Variants in CTBP2 observed in about 807,000 individuals in gnomAD.
CTBP2 encodes the protein C-terminal binding protein 2.
In CTBP2, 30 loss-of-function variants were observed where a neutral mutation model predicts 80.3. The ratio of observed to expected loss-of-function variants is 0.37; its 90% CI spans 0.28 to 0.51. The LOEUF is 0.51. CTBP2 is among the 20% of genes least tolerant of loss of function. The pLI, the probability that CTBP2 is intolerant of heterozygous loss-of-function variation, is 0.93. For missense variants in CTBP2, 1,212 were observed against 1,375.3 expected (o/e 0.88, Z 1.88); for synonymous variants, 594 against 587.4 (o/e 1.01, Z -0.16).
At chr10:125,134,338 C>G (rs58032789) in intron 1 of CTBP2, among the ~76,000 whole-genome samples, 1 of 152,174 alleles carries the variant, frequency 6.6e-6, no homozygotes, top group African/African-American at 2.4e-5. Flanking sequence ...GAAGCCCCCC[C>G]GCCCCGTGCC....
intron 3 of CTBP2, 95 bp downstream of exon 3, chr10:125,038,902 T>C (rs1486330112): frequency 8.0e-7 from 1 of 1,243,808 alleles, no homozygotes; most frequent in Non-Finnish European, 1.2e-6. Flanking sequence ...GGACTCTGGC[T>C]TGGGGAGTGG....
chr10:125,149,553 G>A (rs1859437425), intron 1 of CTBP2, among the ~76,000 whole-genome samples: 1 of 152,134 alleles, frequency 6.6e-6, no homozygotes, highest in South Asian at 2.1e-4. Context: ...CCAAGATGGA[G>A]GCGGGGGGCA....
At chr10:125,110,060 T>C (rs1271624653) in intron 2 of CTBP2, among the ~76,000 whole-genome samples, 1 of 152,156 alleles carries the variant, frequency 6.6e-6, no homozygotes, top group Non-Finnish European at 1.5e-5. Flanking sequence ...GGGCTCCAAG[T>C]CTCTAACTGC....
intron 1 of CTBP2, among the ~76,000 whole-genome samples, chr10:125,127,736 C>T (rs529414267): frequency 3.3e-5 from 5 of 152,164 alleles, no homozygotes; most frequent in Non-Finnish European, 4.4e-5. Context: ...ATGCCCTATA[C>T]GCACCTCCCT....
intron 3 of CTBP2, among the ~76,000 whole-genome samples, chr10:125,035,509 C>G (rs560824388): frequency 2.0e-5 from 3 of 152,296 alleles, no homozygotes; most frequent in South Asian, 2.1e-4. Flanking sequence ...ATACTTTTTT[C>G]AAGTTGCAAT....
chr10:125,062,852 C>CT (rs1184832401), intron 2 of CTBP2, among the ~76,000 whole-genome samples: 1 of 152,206 alleles, frequency 6.6e-6, no homozygotes, highest in African/African-American at 2.4e-5. Context: ...AAGCGAGACT[C>CT]TATCTCAAAA....
intron 2 of CTBP2, among the ~76,000 whole-genome samples, chr10:125,060,543 T>TCTC (rs1964768760): frequency 6.6e-6 from 1 of 152,030 alleles, no homozygotes; most frequent in East Asian, 1.9e-4. Flanking sequence ...ACACTGGTTC[T>TCTC]GAGCAAGTGA....
intron 1 of CTBP2, among the ~76,000 whole-genome samples, chr10:125,126,812 T>A (rs1855340312): frequency 6.6e-6 from 1 of 152,158 alleles, no homozygotes; most frequent in African/African-American, 2.4e-5. Context: ...ATCTTCCACA[T>A]ACACACACAT....
chr10:125,121,753 G>A (rs565189518), intron 1 of CTBP2, among the ~76,000 whole-genome samples: 13 of 152,124 alleles, frequency 8.5e-5, no homozygotes, highest in East Asian at 1.9e-4. Context: ...AAAGGCCTGC[G>A]TCCCCCAGAC....
chr10:125,061,494 A>G (rs1590423945), intron 2 of CTBP2, among the ~76,000 whole-genome samples: 2 of 151,886 alleles, frequency 1.3e-5, no homozygotes, highest in South Asian at 4.2e-4. Flanking sequence ...GACCTCCCTC[A>G]CCTCTCCTCC....
At chr10:124,992,996 T>TTA (rs1460875336) in intron 7 of CTBP2, among the ~76,000 whole-genome samples, 184 bp from the exon 10 acceptor site, 1 of 152,176 alleles carries the variant, frequency 6.6e-6, no homozygotes, top group Non-Finnish European at 1.5e-5. Flanking sequence ...ACCCCCGAGT[T>TTA]TATAATGTCT....
chr10:125,060,779 G>A (rs778431493), intron 2 of CTBP2, among the ~76,000 whole-genome samples: 17 of 152,342 alleles, frequency 1.1e-4, no homozygotes, highest in African/African-American at 1.9e-4. Context: ...AGAAGCACAC[G>A]GGCAGGCTTC....
chr10:125,114,270 G>A (rs1852805727), intron 1 of CTBP2, among the ~76,000 whole-genome samples: 2 of 152,222 alleles, frequency 1.3e-5, no homozygotes, highest in Admixed American at 6.5e-5. Flanking sequence ...CTTCGGGCCA[G>A]ACAGGGGTCC....
intron 1 of CTBP2, among the ~76,000 whole-genome samples, chr10:125,122,369 CAA>C (rs1166350612): frequency 1.3e-5 from 2 of 152,208 alleles, no homozygotes; most frequent in Non-Finnish European, 2.9e-5. Context: ...TCTGAATGAA[CAA>C]CTCAACATTT....
intron 2 of CTBP2, chr10:125,088,134 G>A (rs1006457522): frequency 1.3e-5 from 2 of 152,380 alleles, no homozygotes; most frequent in African/African-American, 4.8e-5. Context: ...GAGCTAAACT[G>A]AAAAGGGACA....
At chr10:125,123,587 T>C (rs1590930209) in intron 1 of CTBP2, among the ~76,000 whole-genome samples, 2 of 152,360 alleles carry the variant, frequency 1.3e-5, no homozygotes, top group Middle Eastern at 3.4e-3. Flanking sequence ...AATTCCTTTC[T>C]TTAGGGGATC....
At position 125,026,254 on chromosome 10, in the gene CTBP2, C is replaced by A; in HGVS notation, c.1506G>T (p.Leu502=). The A allele has an allele frequency of 6.2e-7, 1 of 1,613,866 alleles. No individual in the cohort carries two copies. The change falls in exon 1 of 9, where the codon CTG becomes CTT. Residue 502 remains leucine (L), a synonymous_variant. Transcript: ENST00000309035. ...CCTGGGGGCTGCCGTGAGGGCTGGG[C>A]AGCGGAGAGGCGGCCACGTTGCGCT... is the stretch of plus-strand genomic sequence containing the variant.
In CTBP2 at chr10:124,988,202, G is replaced by A. The variant is rs561159624; in HGVS notation, c.*1316C>T. On this transcript the variant is annotated 3_prime_UTR_variant, in exon 9 of 9. Transcript: ENST00000309035. ...TTATCACAGGTAATTAATTGTCAGC[G>A]GTCTTGAGTCTGGTTATGGAACCCT... 40 of 152,628 alleles carry A rather than the reference G, an allele frequency of 2.6e-4. No individual in the cohort carries two copies. In the South Asian group the frequency reaches 2.9e-3, roughly 11 times the overall value. 9.5% of individuals were successfully genotyped at this position (152,628 alleles called of 1,614,324 possible).
intron 8 of CTBP2, among the ~76,000 whole-genome samples, chr10:124,991,278 C>G (rs1309561031): frequency 6.6e-6 from 1 of 152,154 alleles, no homozygotes; most frequent in Non-Finnish European, 1.5e-5. Context: ...GGCCTGCCAT[C>G]CTGTCACCAA....
Sources: allele counts gnomAD v4.1 joint callset (sites outside exome capture counted in the v4.1 genomes callset), GRCh38; gene constraint gnomAD v4.1.1; transcripts MANE v1.5; gene names NCBI Gene and HGNC (gene_info 2026-07-23, HGNC 2026-07-21).